Variants in EXOC4 observed in about 807,000 individuals in gnomAD.
EXOC4 encodes the protein SEC8-like 1.
A neutral mutation model predicts 107.2 loss-of-function variants in EXOC4; 71 were observed. That is an observed-to-expected ratio of 0.66 (90% confidence interval 0.55 to 0.81). The LOEUF is 0.81. Among genes scored for constraint, EXOC4 ranks in the 30% least tolerant of loss-of-function variants. The probability of loss-of-function intolerance (pLI) is 0.00; values close to 1 mark genes in which losing one functional copy is unlikely to be tolerated. For synonymous variants in EXOC4, 456 were observed against 441.2 expected (o/e 1.03, Z -0.42); for missense variants, 1,108 against 1,189.6 (o/e 0.93, Z 1.01).
At chr7:133,689,988 T>A (rs1585080988) in intron 10 of EXOC4, among the ~76,000 whole-genome samples, 1 of 152,172 alleles carries the variant, frequency 6.6e-6, no homozygotes, top group African/African-American at 2.4e-5. Flanking sequence ...ACTGCAAAAA[T>A]TGGATTGGTC....
chr7:133,745,982 A>T (rs1011995965), intron 10 of EXOC4, among the ~76,000 whole-genome samples: 1 of 152,134 alleles, frequency 6.6e-6, no homozygotes, highest in African/African-American at 2.4e-5. Flanking sequence ...TCCCTGTTAC[A>T]ACATTTTTTA....
chr7:133,877,098 T>C (rs931507492), intron 11 of EXOC4, among the ~76,000 whole-genome samples: 3 of 152,178 alleles, frequency 2.0e-5, no homozygotes, highest in African/African-American at 7.2e-5. Flanking sequence ...TTTTTTTTAA[T>C]CATTTTTTCT....
chr7:133,333,418 T>C (rs1795439140), intron 5 of EXOC4, among the ~76,000 whole-genome samples: 1 of 152,160 alleles, frequency 6.6e-6, no homozygotes. Flanking sequence ...AATTAACCAT[T>C]TCTCTAAGGA....
At chr7:133,964,572 T>G (rs1055510968) in intron 14 of EXOC4, among the ~76,000 whole-genome samples, 1 of 152,164 alleles carries the variant, frequency 6.6e-6, no homozygotes, top group Non-Finnish European at 1.5e-5. Context: ...AGTGAGAACA[T>G]GCGGTGTTTG....
intron 10 of EXOC4, among the ~76,000 whole-genome samples, chr7:133,724,139 C>T (rs1183668832): frequency 2.0e-5 from 3 of 152,154 alleles, no homozygotes; most frequent in Non-Finnish European, 2.9e-5. Flanking sequence ...CCTAGGCTGT[C>T]AGACTAATCA....
intron 5 of EXOC4, among the ~76,000 whole-genome samples, chr7:133,323,417 G>A (rs561922545): frequency 3.3e-5 from 5 of 152,082 alleles, no homozygotes; most frequent in East Asian, 3.9e-4. Context: ...AGTTTTTAGC[G>A]TAAAGGGGTG....
intron 14 of EXOC4, among the ~76,000 whole-genome samples, chr7:133,951,028 C>T (rs1800677463): frequency 6.6e-6 from 1 of 152,236 alleles, no homozygotes; most frequent in South Asian, 2.1e-4. Flanking sequence ...GTATCTGCCT[C>T]TCTCCAGGAA....
chr7:133,510,010 C>G (rs1382770608), intron 9 of EXOC4, among the ~76,000 whole-genome samples: 1 of 152,144 alleles, frequency 6.6e-6, no homozygotes, highest in Non-Finnish European at 1.5e-5. Context: ...ACATAAAATT[C>G]ACTGCTTTTA....
At chr7:133,271,727 G>A (rs78336500) in intron 1 of EXOC4, among the ~76,000 whole-genome samples, 2,209 of 152,316 alleles carry the variant, frequency 0.015, 29 homozygotes, top group Non-Finnish European at 0.022. Context: ...ATGTGAACAT[G>A]CTGCGCTTAC....
chr7:133,900,009 C>A (rs1455584352), intron 12 of EXOC4, among the ~76,000 whole-genome samples: 1 of 152,130 alleles, frequency 6.6e-6, no homozygotes, highest in East Asian at 1.9e-4. Context: ...CCGCCTCGGC[C>A]TCACCAAGTG....
At chr7:133,364,150 T>C (rs1450570024) in intron 6 of EXOC4, among the ~76,000 whole-genome samples, 1 of 152,032 alleles carries the variant, frequency 6.6e-6, no homozygotes, top group Non-Finnish European at 1.5e-5. Context: ...TATGGAGATG[T>C]GGTCTCACTC....
intron 11 of EXOC4, among the ~76,000 whole-genome samples, chr7:133,876,099 A>G (rs201218908): frequency 3.1e-4 from 47 of 152,242 alleles, no homozygotes; most frequent in Admixed American, 6.5e-4. Flanking sequence ...AAGCTCATCT[A>G]TATTTGTGGC....
chr7:133,961,252 T>C (rs1800935599), intron 14 of EXOC4, among the ~76,000 whole-genome samples: 1 of 151,172 alleles, frequency 6.6e-6, no homozygotes, highest in African/African-American at 2.4e-5. Flanking sequence ...CTCTGACACT[T>C]ATTTAAACCA....
At chr7:133,822,630 TTA>T (rs1797548998) in intron 11 of EXOC4, among the ~76,000 whole-genome samples, 1 of 152,218 alleles carries the variant, frequency 6.6e-6, no homozygotes, top group Non-Finnish European at 1.5e-5. Context: ...CAGCATTGCC[TTA>T]TACCAGTGCA....
At position 133,665,605 on chromosome 7, in the gene EXOC4, A is replaced by G. The variant is rs559876050; in HGVS notation, c.1514+35464A>G. ...AGAATGTCACTGTGACACACATACT[A>G]TATTTTCAGTATTTGCTTCTCAGAT... On this transcript the variant is annotated intron_variant, in intron 10 of 17. Transcript: ENST00000253861. Among the ~76,000 whole-genome samples, 284 of 152,250 alleles carry G rather than the reference A, an allele frequency of 1.9e-3. 1 individual carries two copies. The highest frequency in any genetic ancestry group is 3.0e-3 in the Non-Finnish European group (203 of 67,998).
chr7:133,284,883 A>G (rs1794239827), intron 2 of EXOC4, among the ~76,000 whole-genome samples: 1 of 152,138 alleles, frequency 6.6e-6, no homozygotes, highest in South Asian at 2.1e-4. Context: ...ATGATAAAAG[A>G]CTGGACTCTC....
chr7:133,670,676 C>CG (rs1481187753), intron 10 of EXOC4, among the ~76,000 whole-genome samples: 2 of 152,168 alleles, frequency 1.3e-5, no homozygotes, highest in African/African-American at 2.4e-5. Flanking sequence ...TTTTCTATGA[C>CG]AGTATTTGCC....
the EXOC4 span, among the ~76,000 whole-genome samples, chr7:134,098,371 TTTG>T: frequency 6.6e-6 from 1 of 152,310 alleles, no homozygotes; most frequent in East Asian, 1.9e-4. Flanking sequence ...CCTGTTCCTT[TTTG>T]TGAGTAGTGC....
At position 133,766,248 on chromosome 7, in the gene EXOC4, CAT is replaced by C. The variant is rs764158380; in HGVS notation, c.1515-51074_1515-51073del. Among the ~76,000 whole-genome samples the C allele has an allele frequency of 7.2e-5, 11 of 151,994 alleles. No individual in the cohort carries two copies. The East Asian group carries it at 1.5e-3, about 21-fold the overall frequency. On this transcript the variant is annotated intron_variant, in intron 10 of 17. Transcript: ENST00000253861. The stretch of plus-strand genomic sequence containing the variant: ...AGTGGGAAAGAATACATTGGCAAGA[CAT>C]ATTACAATTACTTTGTCATGCATCT...
Sources: gnomAD v4.1 joint callset for allele counts (sites outside exome capture counted in the v4.1 genomes callset) on GRCh38, gnomAD v4.1.1 for gene constraint, MANE v1.5 for transcripts, NCBI Gene and HGNC (gene_info 2026-07-23, HGNC 2026-07-21) for gene names.